KDM6B: variants seen among roughly 807,000 people sequenced by gnomAD.
The protein encoded by KDM6B is lysine-specific demethylase 6B.
A neutral mutation model predicts 150.4 loss-of-function variants in KDM6B; 22 were observed. That is an observed-to-expected ratio of 0.15 (90% confidence interval 0.10 to 0.21). The LOEUF (loss-of-function observed/expected upper bound fraction) is 0.21. Ranked by LOEUF, KDM6B falls within the 10% of genes least tolerant of loss-of-function variation. KDM6B has a pLI of 1.00. For missense variants in KDM6B, 1,984 were observed against 2,234.3 expected, an observed-to-expected ratio of 0.89 and a Z score of 2.26; for synonymous variants, 1,148 against 921.1, an observed-to-expected ratio of 1.25 and a Z score of -4.46.
chr17:7,843,930 G>A lies in KDM6B; in HGVS notation c.-268-971G>A, dbSNP rs181026594. Among the ~76,000 whole-genome samples the A allele has an allele frequency of 2.0e-5, 3 of 150,648 alleles. No homozygotes were observed. Among genetic ancestry groups the A allele is most frequent in the East Asian group, 3.9e-4 (2 of 5,144 alleles). On this transcript the variant is annotated intron_variant, in intron 2 of 23. Transcript: ENST00000448097. This position sits in a 1 kb window ranked among gnomAD's most constrained non-coding sequence, Gnocchi z 4.5. ...TCGGGGGTCCAGTCGGCACCAAAGCGAAAGGGTGGGGGGGGCGTGAAGGAG... is the reference window on the plus strand; with the variant it reads ...TCGGGGGTCCAGTCGGCACCAAAGCAAAAGGGTGGGGGGGGCGTGAAGGAG...
At position 7,849,744 on chromosome 17, in the gene KDM6B, G is replaced by T; in HGVS notation, c.3440+16G>T. The T allele has an allele frequency of 1.2e-6, 2 of 1,612,502 alleles. No individual in the cohort carries two copies. Among genetic ancestry groups the T allele is most frequent in the Non-Finnish European group, 1.7e-6 (2 of 1,180,014 alleles). On this transcript the variant is annotated intron_variant, in intron 12 of 23. Coordinates refer to ENST00000448097, the MANE Select transcript of KDM6B (RefSeq NM_001348716.2). Reference sequence around the variant, plus strand: ...GCGCCAGCAGGTGAGTCGGCTGCCTGCTTGCTTGTCCCGGAGACAGGCTCC... The same window carrying T: ...GCGCCAGCAGGTGAGTCGGCTGCCTTCTTGCTTGTCCCGGAGACAGGCTCC...
intron 3 of KDM6B, 121 bp downstream of exon 3, chr17:7,845,141 C>T (rs2078506115): frequency 9.8e-6 from 3 of 305,066 alleles, no homozygotes; most frequent in East Asian, 8.3e-5. Flanking sequence ...TGACTCCCAG[C>T]CACACTCCTG....
intron 21 of KDM6B, 85 bp downstream of exon 21, chr17:7,852,721 C>T (rs541803711): frequency 9.6e-6 from 15 of 1,569,814 alleles, no homozygotes; most frequent in African/African-American, 6.7e-5. Flanking sequence ...CCCATTTTTA[C>T]CTCTCTCCAT....
At position 7,849,005 on chromosome 17, in the gene KDM6B, C is replaced by G; in HGVS notation, c.2717C>G (p.Pro906Arg). 6.3e-7 allele frequency: 1 copy of G among 1,596,494 alleles called. No homozygotes were observed. The highest frequency in any genetic ancestry group is 8.5e-7 in the Non-Finnish European group (1 of 1,170,138). Residue 906 changes from proline (P) to arginine (R), a missense_variant, in exon 12 of 24, where the codon CCT (proline) becomes CGT (arginine). By Grantham distance (103) the Pro-to-Arg change is moderately radical (BLOSUM62 -2). Around this residue, in one of 13 missense-constraint regions of KDM6B, gnomAD observed 1,379 missense variants for 1,275.6 expected, o/e 1.08. Transcript: ENST00000448097. ...TQPPPPLSLPPARSESEVLEE... is the reference protein window; with the variant it reads ...TQPPPPLSLPRARSESEVLEE... ...CCGCCCCCACCCCTATCTCTGCCCC[C>G]TGCTCGCTCTGAGTCTGAGGTGCTA... is the stretch of plus-strand genomic sequence containing the variant.
At chr17:7,846,370 T>TGGGCC in intron 7 of KDM6B, 30 bp from the exon 8 acceptor site, 1 of 1,501,962 alleles carries the variant, frequency 6.7e-7, no homozygotes, top group Non-Finnish European at 9.1e-7. Flanking sequence ...ACCTGACATC[T>TGGGCC]GCCCCTGCCC....
intron 1 of KDM6B, among the ~76,000 whole-genome samples, chr17:7,834,897 C>G (rs981431702): frequency 6.6e-6 from 1 of 152,094 alleles, no homozygotes; most frequent in Admixed American, 6.5e-5. Flanking sequence ...GCCTCCCTTT[C>G]ACTCCGTCTC....
chr17:7,849,833 G>A lies in KDM6B; in HGVS notation c.3453G>A (p.Val1151=), dbSNP rs2078655684. ...TGTCCTCCCGCAGGAATGCCAAGGT[G>A]AAAGGGAAGTTTCGAGAGTCCTACC... ...DVVRASRNAK[V]KGKFRESYLS... Residue 1151 remains valine (V), a synonymous_variant, in exon 13 of 24, where the codon GTG becomes GTA. Transcript: ENST00000448097. The A allele has an allele frequency of 6.2e-7, 1 of 1,613,060 alleles. No homozygotes were observed. The highest frequency in any genetic ancestry group is 1.3e-5 in the African/African-American group (1 of 74,918).
At chr17:7,846,371 G>GGGGGGGGCCCCCCC in intron 7 of KDM6B, 29 bp from the exon 8 acceptor site, 2 of 1,488,886 alleles carry the variant, frequency 1.3e-6, no homozygotes, top group Non-Finnish European at 1.8e-6. Context: ...CCTGACATCT[G>GGGGGGGGCCCCCCC]CCCCTGCCCC....
intron 1 of KDM6B, among the ~76,000 whole-genome samples, chr17:7,839,031 G>T (rs903464346): frequency 1.3e-5 from 2 of 152,160 alleles, no homozygotes; most frequent in African/African-American, 4.8e-5. Flanking sequence ...GGAATATAGA[G>T]ATTAGATTGG....
chr17:7,846,534 G>T (rs768171443), intron 8 of KDM6B, 42 bp downstream of exon 8: 13 of 1,613,952 alleles, frequency 8.1e-6, no homozygotes, highest in Non-Finnish European at 1.1e-5. Flanking sequence ...GAGCCAGGCT[G>T]TGCCTGCACC....
At position 7,848,805 on chromosome 17, in the gene KDM6B, T is replaced by C; in HGVS notation, c.2517T>C (p.Pro839=). ...CCTTGCCCACCACTCAGTATTCCCC[T>C]GGCCCCCCATCAGGTGCTACCGCCC... The part of the protein sequence containing the change: ...PGPLPTTQYS[P]GPPSGATALP... The change falls in exon 12 of 24, where the codon CCT becomes CCC. Residue 839 remains proline, a synonymous_variant. Transcript: ENST00000448097. 5 of 1,612,740 alleles carry C rather than the reference T, an allele frequency of 3.1e-6. No homozygotes were observed. The highest frequency in any genetic ancestry group is 4.2e-6 in the Non-Finnish European group (5 of 1,179,960).
chr17:7,852,723 T>A, intron 21 of KDM6B, 87 bp downstream of exon 21: 2 of 1,566,414 alleles, frequency 1.3e-6, no homozygotes, highest in South Asian at 2.2e-5. Context: ...CATTTTTACC[T>A]CTCTCCATCC....
At chr17:7,853,466 T>G in intron 23 of KDM6B, 32 bp from the exon 24 acceptor site, 1 of 1,509,370 alleles carries the variant, frequency 6.6e-7, no homozygotes, top group Non-Finnish European at 8.8e-7. Context: ...GCCGCGCCTT[T>G]CCCTGAGCCC....
At chr17:7,845,185 T>G in intron 3 of KDM6B, 129 bp from the exon 4 acceptor site, 6 of 374,862 alleles carry the variant, frequency 1.6e-5, no homozygotes, top group Non-Finnish European at 2.1e-5. Context: ...GGGCCTCCCT[T>G]TGGGGAAAGC....
At chr17:7,835,808 G>C (rs1597814165) in intron 1 of KDM6B, among the ~76,000 whole-genome samples, 1 of 150,946 alleles carries the variant, frequency 6.6e-6, no homozygotes, top group Non-Finnish European at 1.5e-5. Context: ...CGAGCCGGGC[G>C]CCCCCCTCCC....
In KDM6B at chr17:7,852,712, C is replaced by G. The variant is rs1459484287; in HGVS notation, c.4610+76C>G. The G allele has an allele frequency of 1.7e-5, 27 of 1,583,026 alleles. No individual in the cohort carries two copies. In the Admixed American group the frequency reaches 4.5e-4, roughly 26 times the overall value. On this transcript the variant is annotated intron_variant, in intron 21 of 23. Coordinates refer to ENST00000448097, the MANE Select transcript of KDM6B (RefSeq NM_001348716.2). ...CTTGTTCTTCCTGTCTGACTCCACC[C>G]CATTTTTACCTCTCTCCATCCTTGT...
At position 7,853,571 on chromosome 17, in the gene KDM6B, A is replaced by G; in HGVS notation, c.*50A>G. On this transcript the variant is annotated 3_prime_UTR_variant, in exon 24 of 24. Coordinates refer to ENST00000448097, the MANE Select transcript of KDM6B (RefSeq NM_001348716.2). ...TGCCCGCGCAAGGCGCCGCGGGGCCACCAGCACATGCCTGGGCTGGACCTA... is the reference window on the plus strand; with the variant it reads ...TGCCCGCGCAAGGCGCCGCGGGGCCGCCAGCACATGCCTGGGCTGGACCTA... 6 of 1,345,488 alleles carry G rather than the reference A, an allele frequency of 4.5e-6. No homozygotes were observed. Among genetic ancestry groups the G allele is most frequent in the Non-Finnish European group, 3.8e-6 (4 of 1,040,656 alleles). 83.3% of individuals were successfully genotyped at this position (1,345,488 alleles called of 1,614,324 possible). A position where few individuals can be genotyped will look rare whatever the true frequency, so the allele number is the denominator to read the frequency against.
In KDM6B at chr17:7,847,797, G is replaced by A. The variant is rs2078592229; in HGVS notation, c.1509G>A (p.Glu503=). ...GAGAGGATGGAGAGATCTTAGAAGA[G>A]CTCTTCTTTGGGACTGAGGGACCCC... ...AAREDGEILE[E]LFFGTEGPPR... is the part of the protein sequence containing the mutation. Residue 503 remains glutamate, a synonymous_variant, in exon 12 of 24, where the codon GAG becomes GAA. Coordinates refer to ENST00000448097, the MANE Select transcript of KDM6B (RefSeq NM_001348716.2). The A allele has an allele frequency of 3.9e-6, 6 of 1,551,918 alleles. No individual in the cohort carries two copies. The highest frequency in any genetic ancestry group is 1.2e-5 in the South Asian group (1 of 84,396).
Position 7,845,630 on chromosome 17 carries a change from G to A in KDM6B, c.76G>A (p.Gly26Arg), listed in dbSNP as rs1400214515. ...TGCCCTTGGGGGCCTGAGCTGTGCT[G>A]GGGCCTGGAGCTCCTGCCCGCCTCA... ...AFALGGLSCAGAWSSCPPHPP... is the reference protein window; with the variant it reads ...AFALGGLSCARAWSSCPPHPP... Residue 26 changes from glycine (G) to arginine (R), a missense_variant, in exon 5 of 24, where the codon GGG becomes AGG. Coordinates refer to ENST00000448097, the MANE Select transcript of KDM6B (RefSeq NM_001348716.2). 2.5e-6 allele frequency: 4 copies of A among 1,614,182 alleles called. No homozygotes were observed. Among genetic ancestry groups the A allele is most frequent in the Non-Finnish European group, 3.4e-6 (4 of 1,180,030 alleles).
Sources: gnomAD v4.1 joint callset for allele counts (sites outside exome capture counted in the v4.1 genomes callset) on GRCh38, gnomAD v4.1.1 for gene constraint, gnomAD v4.1.1 regional missense constraint, Gnocchi (gnomAD v3.1) non-coding constraint, MANE v1.5 for transcripts, NCBI Gene and HGNC (gene_info 2026-07-23, HGNC 2026-07-21) for gene names.